DONSON: variants seen among roughly 807,000 people sequenced by gnomAD.
The protein encoded by DONSON is DNA replication fork stabilization factor DONSON, also known as protein downstream neighbor of Son.
DONSON carries 43 observed loss-of-function variants against 62.1 expected under a neutral mutation model. That is an observed-to-expected ratio of 0.69 (90% CI 0.54 to 0.89). DONSON has a LOEUF of 0.89. Ranked by LOEUF, DONSON falls within the 40% of genes least tolerant of loss-of-function variation. DONSON has a pLI of 0.00. For synonymous variants in DONSON, 266 were observed against 264.6 expected (o/e 1.01, Z -0.05); for missense variants, 696 against 697.5 (o/e 1.00, Z 0.03).
At chr21:33,578,846 T>A (rs1173680618) in intron 9 of DONSON, among the ~76,000 whole-genome samples, 1 of 152,172 alleles carries the variant, frequency 6.6e-6, no homozygotes. Flanking sequence ...TTAAAACTAT[T>A]TGGACTGAGG....
At chr21:33,588,226 T>A in intron 1 of DONSON, 95 bp downstream of exon 1, 3 of 1,033,776 alleles carry the variant, frequency 2.9e-6, no homozygotes, top group Non-Finnish European at 2.5e-6. Flanking sequence ...CCCATTTCCT[T>A]GCCTCGAACG....
In DONSON at chr21:33,577,572, A is replaced by G. The variant is rs1315873327; in HGVS notation, c.*735T>C. ...ATGCTTTTGATTTTTAAGCACTTTT[A>G]TTTTAAAAATGTGAATTATACAGTC... On this transcript the variant is annotated 3_prime_UTR_variant, in exon 10 of 10. Transcript: ENST00000303071. The G allele has an allele frequency of 1.3e-5, 2 of 148,498 alleles. No individual in the cohort carries two copies. The highest frequency in any genetic ancestry group is 1.4e-4 in the Admixed American group (2 of 14,520). 9.2% of individuals were successfully genotyped at this position (148,498 alleles called of 1,614,324 possible). A position where few individuals can be genotyped will look rare whatever the true frequency, so the allele number is the denominator to read the frequency against.
intron 8 of DONSON, among the ~76,000 whole-genome samples, chr21:33,579,933 G>T (rs1019123534): frequency 1.3e-5 from 2 of 152,112 alleles, no homozygotes; most frequent in East Asian, 1.9e-4. Context: ...AATTTATTAT[G>T]ATTATAATCC....
rs978209753 is a variant in DONSON, at chr21:33,586,616, G to T, written c.403-435C>A. Among the ~76,000 whole-genome samples the T allele has an allele frequency of 3.3e-5, 5 of 152,062 alleles. 1 individual carries two copies. Among genetic ancestry groups the T allele is most frequent in the Admixed American group, 2.0e-4 (3 of 15,258 alleles). ...CTCAACCTGTCTGCTTCAGGTCGAC[G>T]TTCTCCACAATACAAGAATTTTTTT... On this transcript the variant is annotated intron_variant, in intron 2 of 9. Coordinates refer to ENST00000303071, the MANE Select transcript of DONSON (RefSeq NM_017613.4).
chr21:33,579,643 C>G, intron 8 of DONSON, 81 bp from the exon 9 acceptor site: 2 of 1,132,264 alleles, frequency 1.8e-6, no homozygotes, highest in Non-Finnish European at 2.5e-6. Flanking sequence ...CAATATATTT[C>G]CATTTGGGGT....
Position 33,581,983 on chromosome 21 carries a change from T to C in DONSON, c.1119A>G (p.Lys373=). 6.2e-7 allele frequency: 1 copy of C among 1,614,158 alleles called. No individual in the cohort carries two copies. The highest frequency in any genetic ancestry group is 2.2e-5 in the East Asian group (1 of 44,870). ...TAGAAAGTATGTCTGGCTTTTTAAT[T>C]TTATCTTGCACACCCATCTCTTCCA... ...SWLEEMGVQD[K]IKKPDILSIK... is the part of the protein sequence containing the mutation. Residue 373 remains lysine, a synonymous_variant, in exon 7 of 10, where the codon AAA becomes AAG. Coordinates refer to ENST00000303071, the MANE Select transcript of DONSON (RefSeq NM_017613.4).
At chr21:33,588,191 G>A in intron 1 of DONSON, 130 bp downstream of exon 1, 1 of 768,490 alleles carries the variant, frequency 1.3e-6, no homozygotes, top group African/African-American at 1.8e-5. Flanking sequence ...GTACCCTAAG[G>A]CCACGGGCGG....
Position 33,579,674 on chromosome 21 carries a change from T to C in DONSON, c.1351-112A>G, listed in dbSNP as rs183286228. 2.6e-4 allele frequency: 212 copies of C among 815,080 alleles called. No homozygotes were observed. The East Asian group carries it at 5.3e-3, about 20-fold the overall frequency. 50.5% of individuals were successfully genotyped at this position (815,080 alleles called of 1,614,324 possible). A position where few individuals can be genotyped will look rare whatever the true frequency, so the allele number is the denominator to read the frequency against. On this transcript the variant is annotated intron_variant, in intron 8 of 9. Coordinates refer to ENST00000303071, the MANE Select transcript of DONSON (RefSeq NM_017613.4). ...GGGGTTTCCTCTCTTTTAACAATTA[T>C]GGAATAAAACTATTTCCCAAGACAT... is the stretch of plus-strand genomic sequence containing the variant.
At chr21:33,588,238 G>T in intron 1 of DONSON, 83 bp downstream of exon 1, 1 of 1,091,986 alleles carries the variant, frequency 9.2e-7, no homozygotes, top group Non-Finnish European at 1.2e-6. Flanking sequence ...CCTCGAACGC[G>T]AGGACTTTCC....
At chr21:33,582,673 A>G (rs1162298389) in intron 5 of DONSON, among the ~76,000 whole-genome samples, 1 of 152,170 alleles carries the variant, frequency 6.6e-6, no homozygotes, top group Non-Finnish European at 1.5e-5. Flanking sequence ...AGAGAACACT[A>G]TGTGGAAGGA....
chr21:33,586,272 G>T (rs2086576593), intron 2 of DONSON, 91 bp from the exon 3 acceptor site: 1 of 1,046,428 alleles, frequency 9.6e-7, no homozygotes. Flanking sequence ...TCACTGAAAA[G>T]TAAAAATCAT....
chr21:33,582,125 A>C, intron 6 of DONSON, 40 bp downstream of exon 6: 1 of 1,611,976 alleles, frequency 6.2e-7, no homozygotes, highest in Non-Finnish European at 8.5e-7. Flanking sequence ...TCATGAGTCC[A>C]TAAGTCAGTG....
intron 1 of DONSON, 74 bp downstream of exon 1, chr21:33,588,247 C>A: frequency 2.7e-6 from 3 of 1,131,094 alleles, no homozygotes; most frequent in Non-Finnish European, 3.3e-6. Context: ...CGAGGACTTT[C>A]CATCCCCCAT....
intron 4 of DONSON, among the ~76,000 whole-genome samples, chr21:33,584,203 C>A (rs566693935): frequency 1.3e-5 from 2 of 151,358 alleles, no homozygotes; most frequent in East Asian, 1.9e-4. Flanking sequence ...CGCCACCACA[C>A]CAGGCTAATT....
At chr21:33,583,080 A>G (rs2086532348) in intron 5 of DONSON, among the ~76,000 whole-genome samples, 1 of 151,686 alleles carries the variant, frequency 6.6e-6, no homozygotes, top group African/African-American at 2.4e-5. Context: ...AGGCACCTGT[A>G]GTCCCAGCTA....
rs2086444003 is a variant in DONSON, at chr21:33,577,670, CACACACACACACACACA to C, written c.*620_*636del. On this transcript the variant is annotated 3_prime_UTR_variant, in exon 10 of 10. Coordinates refer to ENST00000303071, the MANE Select transcript of DONSON (RefSeq NM_017613.4). Reference sequence around the variant, plus strand: ...ACACACACACACACACACACACACACACACACACACACACACACACACACACACACACCCCTATAAGC... The same window carrying C: ...ACACACACACACACACACACACACACCACACACACACACACCCCTATAAGC... 9.8e-6 allele frequency: 1 copy of C among 101,704 alleles called. No homozygotes were observed. Among genetic ancestry groups the C allele is most frequent in the Non-Finnish European group, 2.1e-5 (1 of 47,842 alleles). 6.3% of individuals were successfully genotyped at this position (101,704 alleles called of 1,614,324 possible). A position where few individuals can be genotyped will look rare whatever the true frequency, so the allele number is the denominator to read the frequency against.
At chr21:33,580,095 G>C (rs1228559606) in intron 8 of DONSON, among the ~76,000 whole-genome samples, 1 of 151,950 alleles carries the variant, frequency 6.6e-6, no homozygotes, top group Non-Finnish European at 1.5e-5. Flanking sequence ...TACTTGGGAA[G>C]CTAAGGCAGA....
chr21:33,586,556 A>T (rs1320193180), intron 2 of DONSON, among the ~76,000 whole-genome samples: 1 of 152,222 alleles, frequency 6.6e-6, no homozygotes, highest in Non-Finnish European at 1.5e-5. Context: ...CAAAGCCCAT[A>T]TTTAAGAAAC....
rs1227875248 is a variant in DONSON, at chr21:33,587,587, G to C, written c.337C>G (p.Gln113Glu). 1 of 1,590,054 alleles carries C rather than the reference G, an allele frequency of 6.3e-7. No individual in the cohort carries two copies. Among genetic ancestry groups the C allele is most frequent in the Admixed American group, 1.9e-5 (1 of 53,074 alleles). The change falls in exon 2 of 10, where the codon CAA becomes GAA. Residue 113 changes from glutamine (Q) to glutamate (E), a missense_variant. Transcript: ENST00000303071. ...EAPVPFLDSN[Q>E]ENDLLWEEKF... ...TCTTCCCATAGCAAATCATTTTCTTGATTAGAATCTAAAAACTGAGGTTAA... is the reference window on the plus strand; with the variant it reads ...TCTTCCCATAGCAAATCATTTTCTTCATTAGAATCTAAAAACTGAGGTTAA...
Sources: gnomAD v4.1 joint callset for allele counts (sites outside exome capture counted in the v4.1 genomes callset) on GRCh38, gnomAD v4.1.1 for gene constraint, MANE v1.5 for transcripts, NCBI Gene and HGNC (gene_info 2026-07-23, HGNC 2026-07-21) for gene names.